CYP2C19: variants seen among roughly 807,000 people sequenced by gnomAD.
The protein encoded by CYP2C19 is cytochrome P450 2C19.
Under a neutral mutation model 40.9 loss-of-function variants are expected in CYP2C19, and 59 were observed. That is an observed-to-expected ratio of 1.44 (90% CI 1.17 to 1.79). The LOEUF (loss-of-function observed/expected upper bound fraction) is 1.79, where lower values mean the gene tolerates loss of function less well. CYP2C19 is among the 40% of genes most tolerant of loss of function. CYP2C19 has a pLI of 0.00. For synonymous variants in CYP2C19, 253 were observed against 208.7 expected, an observed-to-expected ratio of 1.21 and a Z score of -1.83; for missense variants, 754 against 596.9, an observed-to-expected ratio of 1.26 and a Z score of -2.74.
intron 5 of CYP2C19, among the ~76,000 whole-genome samples, chr10:94,812,111 T>C (rs1274215898): frequency 6.6e-6 from 1 of 152,200 alleles, no homozygotes; most frequent in African/African-American, 2.4e-5. Context: ...CTGTAAAGGA[T>C]GTTATTTCTC....
At chr10:94,765,679 C>G (rs1212469189) in intron 1 of CYP2C19, among the ~76,000 whole-genome samples, 1 of 152,010 alleles carries the variant, frequency 6.6e-6, no homozygotes, top group African/African-American at 2.4e-5. Flanking sequence ...GGTGAATGGT[C>G]ATGCAGGGAG....
chr10:94,852,239 G>A (rs973154723), intron 8 of CYP2C19, among the ~76,000 whole-genome samples: 1 of 146,338 alleles, frequency 6.8e-6, no homozygotes, highest in East Asian at 2.2e-4. Context: ...AAGTTTTAAA[G>A]TGAGGGGGTA....
chr10:94,791,031 G>A (rs1278454542), intron 5 of CYP2C19, among the ~76,000 whole-genome samples: 1 of 152,032 alleles, frequency 6.6e-6, no homozygotes, highest in Non-Finnish European at 1.5e-5. Context: ...ATTAATTATT[G>A]CCTCAATTTC....
At chr10:94,798,399 C>T (rs960453589) in intron 5 of CYP2C19, among the ~76,000 whole-genome samples, 1 of 152,054 alleles carries the variant, frequency 6.6e-6, no homozygotes, top group Non-Finnish European at 1.5e-5. Context: ...CTGAGGAGTG[C>T]TTTACTTCCA....
intron 5 of CYP2C19, among the ~76,000 whole-genome samples, chr10:94,808,550 T>C (rs1174341425): frequency 1.3e-5 from 2 of 152,106 alleles, no homozygotes; most frequent in Non-Finnish European, 2.9e-5. Context: ...ACTATTTTTG[T>C]ACCAATTAGA....
chr10:94,832,264 T>C (rs1849346216), intron 6 of CYP2C19, among the ~76,000 whole-genome samples: 3 of 152,346 alleles, frequency 2.0e-5, no homozygotes, highest in Middle Eastern at 3.4e-3. Context: ...AGATGTTTAA[T>C]GGACTCACAG....
intron 6 of CYP2C19, among the ~76,000 whole-genome samples, chr10:94,841,575 C>T (rs2134285683): frequency 6.6e-6 from 1 of 152,284 alleles, no homozygotes; most frequent in South Asian, 2.1e-4. Context: ...CTTTAGGATT[C>T]ATCATTAGAT....
At chr10:94,805,187 G>T (rs958456403) in intron 5 of CYP2C19, among the ~76,000 whole-genome samples, 2 of 151,672 alleles carry the variant, frequency 1.3e-5, no homozygotes, top group Admixed American at 1.3e-4. Context: ...GTATGCCTTA[G>T]CTTTGCAGTT....
chr10:94,788,584 T>A (rs1246539705), intron 5 of CYP2C19, among the ~76,000 whole-genome samples: 1 of 152,078 alleles, frequency 6.6e-6, no homozygotes, highest in Non-Finnish European at 1.5e-5. Context: ...CACTTATGAG[T>A]GAGAACACAC....
At chr10:94,768,388 C>G (rs1848277622) in intron 1 of CYP2C19, among the ~76,000 whole-genome samples, 1 of 152,134 alleles carries the variant, frequency 6.6e-6, no homozygotes, top group South Asian at 2.1e-4. Flanking sequence ...AAGGGGACTT[C>G]TAAGAGGTCA....
intron 6 of CYP2C19, among the ~76,000 whole-genome samples, chr10:94,831,997 T>C (rs1383346823): frequency 6.6e-6 from 1 of 152,196 alleles, no homozygotes; most frequent in Non-Finnish European, 1.5e-5. Context: ...GTCCTGGAGA[T>C]GTTTTCTAGT....
intron 8 of CYP2C19, 49 bp from the exon 9 acceptor site, chr10:94,852,684 T>C: frequency 6.3e-7 from 1 of 1,584,936 alleles, no homozygotes; most frequent in South Asian, 1.1e-5. Context: ...TTTGTCACTC[T>C]CACAGTTACA....
chr10:94,816,790 CATT>C (rs1215460368), intron 5 of CYP2C19, among the ~76,000 whole-genome samples: 2 of 147,776 alleles, frequency 1.4e-5, no homozygotes, highest in Non-Finnish European at 3.0e-5. Flanking sequence ...CATGTGATCT[CATT>C]GTTCAATTCC....
At chr10:94,783,575 T>A (rs1282998665) in intron 5 of CYP2C19, among the ~76,000 whole-genome samples, 1 of 152,154 alleles carries the variant, frequency 6.6e-6, no homozygotes, top group Non-Finnish European at 1.5e-5. Flanking sequence ...CTTGACAACC[T>A]TGTCAAAACC....
intron 5 of CYP2C19, among the ~76,000 whole-genome samples, chr10:94,811,210 C>G (rs1848918012): frequency 6.6e-6 from 1 of 152,066 alleles, no homozygotes; most frequent in Admixed American, 6.6e-5. Flanking sequence ...TTTCTTAATC[C>G]CGAGTTTTAA....
chr10:94,789,797 T>C (rs1231606146), intron 5 of CYP2C19, among the ~76,000 whole-genome samples: 1 of 152,130 alleles, frequency 6.6e-6, no homozygotes, highest in Non-Finnish European at 1.5e-5. Context: ...AGCTTTGTTC[T>C]TTTTGCTGAG....
chr10:94,820,724 G>A, intron 6 of CYP2C19, 87 bp downstream of exon 6: 3 of 1,534,708 alleles, frequency 2.0e-6, no homozygotes, highest in Non-Finnish European at 2.7e-6. Context: ...TTCTCTTAGA[G>A]AAGTTCCATT....
At chr10:94,823,593 G>C (rs191469944) in intron 6 of CYP2C19, among the ~76,000 whole-genome samples, 23 of 152,240 alleles carry the variant, frequency 1.5e-4, no homozygotes, top group African/African-American at 5.3e-4. Flanking sequence ...GCTAGACACA[G>C]GGTCATGGAA....
chr10:94,852,528 C>G (rs1484487293), intron 8 of CYP2C19, among the ~76,000 whole-genome samples: 1 of 152,124 alleles, frequency 6.6e-6, no homozygotes, highest in Non-Finnish European at 1.5e-5. Flanking sequence ...GTTTAGTTGC[C>G]TATCCATCCA....
Sources: allele counts gnomAD v4.1 joint callset (sites outside exome capture counted in the v4.1 genomes callset), GRCh38; gene constraint gnomAD v4.1.1; transcripts MANE v1.5; gene names NCBI Gene and HGNC (gene_info 2026-07-23, HGNC 2026-07-21).